KRABD5: variants seen among roughly 807,000 people sequenced by gnomAD.
KRABD5 encodes KRAB domain-containing protein 5.
the KRABD5 span, chr16:31,755,663 A>G: frequency 4.2e-6 from 2 of 475,800 alleles, no homozygotes; most frequent in South Asian, 3.1e-5. Flanking sequence ...CAAATTATTT[A>G]ATCGATGCTC....
At chr16:31,744,566 G>T in the KRABD5 span, among the ~76,000 whole-genome samples, 2 of 152,080 alleles carry the variant, frequency 1.3e-5, no homozygotes, top group Non-Finnish European at 2.9e-5. Flanking sequence ...GTTCATTGGG[G>T]TATTAGCCTG....
At chr16:31,754,260 TTA>T in the KRABD5 span, 1 of 636,432 alleles carries the variant, frequency 1.6e-6, no homozygotes, top group South Asian at 1.8e-5. Flanking sequence ...TGGATCTTTG[TTA>T]AAAGTTTGTT....
chr16:31,743,443 G>A, the KRABD5 span, among the ~76,000 whole-genome samples: 1 of 152,034 alleles, frequency 6.6e-6, no homozygotes, highest in African/African-American at 2.4e-5. Context: ...GATGTATGGT[G>A]TTATTTCTGA....
chr16:31,741,865 C>G, the KRABD5 span, among the ~76,000 whole-genome samples: 1 of 152,026 alleles, frequency 6.6e-6, no homozygotes, highest in South Asian at 2.1e-4. Flanking sequence ...AATTCTTTGC[C>G]AAAGTCAATG....
chr16:31,720,006 T>C, the KRABD5 span, among the ~76,000 whole-genome samples: 5 of 152,350 alleles, frequency 3.3e-5, no homozygotes, highest in African/African-American at 1.2e-4. Flanking sequence ...AGAGAAAGGC[T>C]AGGCCATTAT....
the KRABD5 span, among the ~76,000 whole-genome samples, chr16:31,734,253 G>C: frequency 7.0e-6 from 1 of 143,222 alleles, no homozygotes; most frequent in Non-Finnish European, 1.5e-5. Flanking sequence ...TTTTTTTTTA[G>C]CTTTTATTGT....
chr16:31,744,461 C>A, the KRABD5 span, among the ~76,000 whole-genome samples: 3 of 152,168 alleles, frequency 2.0e-5, no homozygotes, highest in Admixed American at 2.0e-4. Flanking sequence ...ACCTCACATC[C>A]CAGGGATGAA....
chr16:31,750,994 A>G, the KRABD5 span, among the ~76,000 whole-genome samples: 707 of 152,346 alleles, frequency 4.6e-3, 7 homozygotes, highest in African/African-American at 0.016. Flanking sequence ...TCCTGGCCTC[A>G]GGTGATCCAC....
At chr16:31,719,448 A>T in the KRABD5 span, among the ~76,000 whole-genome samples, 1 of 152,236 alleles carries the variant, frequency 6.6e-6, no homozygotes, top group Non-Finnish European at 1.5e-5. Flanking sequence ...CTGGGAGTCA[A>T]GTTCTTGTGG....
At chr16:31,719,456 T>C in the KRABD5 span, among the ~76,000 whole-genome samples, 1 of 152,200 alleles carries the variant, frequency 6.6e-6, no homozygotes, top group Non-Finnish European at 1.5e-5. Context: ...CAAGTTCTTG[T>C]GGTCAAAAAT....
the KRABD5 span, among the ~76,000 whole-genome samples, chr16:31,749,525 G>C: frequency 1.3e-5 from 2 of 152,216 alleles, no homozygotes; most frequent in African/African-American, 2.4e-5. Flanking sequence ...TTCCAGCTGA[G>C]AGGCTGTTGA....
the KRABD5 span, among the ~76,000 whole-genome samples, chr16:31,753,426 A>G: frequency 1.3e-5 from 2 of 152,198 alleles, no homozygotes; most frequent in African/African-American, 4.8e-5. Context: ...CTTTGGACAT[A>G]TGTTTTGCTC....
the KRABD5 span, chr16:31,756,782 T>C: frequency 6.6e-6 from 1 of 152,204 alleles, no homozygotes; most frequent in African/African-American, 2.4e-5. Context: ...GATTTTTCTT[T>C]GCTTTCACTT....
At chr16:31,722,656 G>A in the KRABD5 span, 1 of 1,613,464 alleles carries the variant, frequency 6.2e-7, no homozygotes, top group South Asian at 1.1e-5. Flanking sequence ...TGTGGCCATA[G>A]AATTCTCTCG....
the KRABD5 span, chr16:31,758,899 T>C: frequency 6.5e-6 from 1 of 153,502 alleles, no homozygotes; most frequent in Admixed American, 6.5e-5. Flanking sequence ...TATAACACTG[T>C]ATTGTAGGAT....
the KRABD5 span, among the ~76,000 whole-genome samples, chr16:31,730,932 A>T: frequency 6.6e-6 from 1 of 152,098 alleles, no homozygotes; most frequent in Non-Finnish European, 1.5e-5. Flanking sequence ...TTGTTCAAGT[A>T]TTGTATTATA....
At chr16:31,740,570 G>C in the KRABD5 span, among the ~76,000 whole-genome samples, 1 of 152,054 alleles carries the variant, frequency 6.6e-6, no homozygotes, top group East Asian at 1.9e-4. Context: ...CTACTTTGGA[G>C]GCTAAGGCAG....
chr16:31,725,268 AC>A, the KRABD5 span, among the ~76,000 whole-genome samples: 1 of 151,852 alleles, frequency 6.6e-6, no homozygotes, highest in Non-Finnish European at 1.5e-5. Flanking sequence ...TGCTTGTGCC[AC>A]CCCGCCTGGC....
chr16:31,753,670 G>A, the KRABD5 span: 1 of 1,163,978 alleles, frequency 8.6e-7, no homozygotes, highest in Non-Finnish European at 1.2e-6. Flanking sequence ...AACTATCATG[G>A]TGTTCTCAAC....
Sources: allele counts gnomAD v4.1 joint callset (sites outside exome capture counted in the v4.1 genomes callset), GRCh38; gene constraint gnomAD v4.1.1; transcripts MANE v1.5; gene names NCBI Gene and HGNC (gene_info 2026-07-23, HGNC 2026-07-21).